PALLD: variants seen among roughly 807,000 people sequenced by gnomAD.
PALLD encodes the protein palladin.
PALLD carries 61 observed loss-of-function variants against 123.5 expected under a neutral mutation model. That is an observed-to-expected ratio of 0.49 (90% CI 0.40 to 0.61). The LOEUF (loss-of-function observed/expected upper bound fraction) is 0.61, where lower values mean the gene tolerates loss of function less well. Among genes scored for constraint, PALLD ranks in the 20% least tolerant of loss-of-function variants. PALLD has a pLI of 0.00. For missense variants in PALLD, 1,273 were observed against 1,377.0 expected (o/e 0.92, Z 1.20); for synonymous variants, 465 against 496.4 (o/e 0.94, Z 0.84).
intron 2 of PALLD, among the ~76,000 whole-genome samples, chr4:168,606,955 T>C (rs1773241513): frequency 6.6e-6 from 1 of 152,174 alleles, no homozygotes; most frequent in African/African-American, 2.4e-5. Flanking sequence ...AAATTTAAGA[T>C]GTAAACAAGA....
chr4:168,794,825 A>T (rs1009772370), intron 10 of PALLD, among the ~76,000 whole-genome samples: 3 of 152,230 alleles, frequency 2.0e-5, no homozygotes, highest in African/African-American at 7.2e-5. Flanking sequence ...AGCGATCATT[A>T]GTAGTAGTGG....
intron 15 of PALLD, among the ~76,000 whole-genome samples, chr4:168,913,351 C>T (rs753802321): frequency 5.9e-5 from 9 of 151,998 alleles, no homozygotes; most frequent in South Asian, 2.1e-4. Flanking sequence ...ATTGGCCAGG[C>T]TGGGCTCGAA....
At chr4:168,862,151 TA>T (rs1749582194) in intron 10 of PALLD, among the ~76,000 whole-genome samples, 1 of 152,150 alleles carries the variant, frequency 6.6e-6, no homozygotes, top group South Asian at 2.1e-4. Context: ...AGTTCAATTT[TA>T]AAAAGAAAAA....
At chr4:168,625,532 A>ATAT (rs1775182973) in intron 2 of PALLD, among the ~76,000 whole-genome samples, 6 of 31,608 alleles carry the variant, frequency 1.9e-4, no homozygotes, top group South Asian at 1.2e-3. Flanking sequence ...ATAAGGGGTT[A>ATAT]ATATTCAGGA....
intron 2 of PALLD, among the ~76,000 whole-genome samples, chr4:168,513,775 C>G (rs1221212545): frequency 6.6e-6 from 1 of 152,050 alleles, no homozygotes; most frequent in Non-Finnish European, 1.5e-5. Context: ...TTTATTCATG[C>G]AGAATGCTTT....
At chr4:168,785,842 TAGAG>T (rs201333690) in intron 10 of PALLD, among the ~76,000 whole-genome samples, 5 of 98,960 alleles carry the variant, frequency 5.1e-5, no homozygotes, top group African/African-American at 2.1e-4. Context: ...TAATAAACTG[TAGAG>T]ATATATATAT....
At position 168,652,094 on chromosome 4, in the gene PALLD, T is replaced by G. The variant is rs146229081; in HGVS notation, c.909-16096T>G. On this transcript the variant is annotated intron_variant, in intron 2 of 21. Transcript: ENST00000505667. ...AGGGGCAGATGTCGCTTGTGAAGCG[T>G]CACATACCGCGTGACCATGGCAGAG... Among the ~76,000 whole-genome samples the G allele has an allele frequency of 6.1e-3, 933 of 152,192 alleles. 4 individuals are homozygous for G. Among genetic ancestry groups the G allele is most frequent in the Non-Finnish European group, 9.5e-3 (649 of 68,000 alleles).
chr4:168,558,352 T>A, intron 2 of PALLD, among the ~76,000 whole-genome samples: 1 of 152,212 alleles, frequency 6.6e-6, no homozygotes, highest in East Asian at 1.9e-4. Context: ...TGGTACACTT[T>A]ACCTTTCTCA....
At chr4:168,741,822 A>G (rs913026006) in intron 10 of PALLD, among the ~76,000 whole-genome samples, 1 of 152,194 alleles carries the variant, frequency 6.6e-6, no homozygotes, top group Non-Finnish European at 1.5e-5. Context: ...GAAAGCTCCT[A>G]TTGGACAAAT....
At chr4:168,519,502 T>C (rs1763319180) in intron 2 of PALLD, among the ~76,000 whole-genome samples, 2 of 132,212 alleles carry the variant, frequency 1.5e-5, no homozygotes, top group African/African-American at 5.9e-5. Flanking sequence ...AGTTATATTT[T>C]AGAGCTTTTT....
intron 15 of PALLD, among the ~76,000 whole-genome samples, chr4:168,909,805 T>G (rs1351504425): frequency 1.3e-5 from 2 of 152,188 alleles, no homozygotes; most frequent in African/African-American, 2.4e-5. Context: ...CTTAAAAACC[T>G]GAATTTTCTA....
intron 10 of PALLD, among the ~76,000 whole-genome samples, chr4:168,732,949 A>T (rs1369481819): frequency 6.6e-6 from 1 of 152,220 alleles, no homozygotes; most frequent in Non-Finnish European, 1.5e-5. Context: ...TCATGCTTAC[A>T]AAAAGAAATT....
intron 10 of PALLD, among the ~76,000 whole-genome samples, chr4:168,840,818 G>A (rs1439582765): frequency 6.6e-6 from 1 of 151,948 alleles, no homozygotes; most frequent in Non-Finnish European, 1.5e-5. Flanking sequence ...AGTTGGGTAG[G>A]GTAGATATCC....
intron 2 of PALLD, among the ~76,000 whole-genome samples, chr4:168,586,176 AAAG>A (rs1294566211): frequency 9.7e-5 from 14 of 144,824 alleles, no homozygotes; most frequent in African/African-American, 3.2e-4. Flanking sequence ...AAAAAAAAAA[AAAG>A]GCTTTCTAAG....
chr4:168,555,334 C>T (rs1767168968), intron 2 of PALLD, among the ~76,000 whole-genome samples: 1 of 152,136 alleles, frequency 6.6e-6, no homozygotes, highest in Non-Finnish European at 1.5e-5. Flanking sequence ...GGGTTGAGGC[C>T]TGAGAAAAAT....
chr4:168,604,519 T>C (rs1163697394), intron 2 of PALLD, among the ~76,000 whole-genome samples: 1 of 152,172 alleles, frequency 6.6e-6, no homozygotes, highest in Non-Finnish European at 1.5e-5. Flanking sequence ...AAATAGAGCA[T>C]AGTTACATTA....
chr4:168,903,871 GAT>G lies in PALLD; in HGVS notation c.2588_2589del (p.Asp863GlyfsTer47). Reference protein sequence around the residue: ...LHTTASTLDDDGNYTIMAANP... With the variant: ...LHTTASTLDDXGNYTIMAANP... ...TACCACAGCCTCCACCCTAGATGAT[GAT>G]GGGAATTATACAATTATGGCTGCAA... On this transcript the variant is annotated frameshift_variant, in exon 15 of 22. Coordinates refer to ENST00000505667, the MANE Select transcript of PALLD (RefSeq NM_001166108.2). LOFTEE classifies it high-confidence loss of function. 6.2e-7 allele frequency: 1 copy of G among 1,614,050 alleles called. No individual in the cohort carries two copies. Among genetic ancestry groups the G allele is most frequent in the Non-Finnish European group, 8.5e-7 (1 of 1,179,946 alleles).
At chr4:168,698,044 G>A (rs1783311560) in intron 8 of PALLD, among the ~76,000 whole-genome samples, 2 of 152,152 alleles carry the variant, frequency 1.3e-5, no homozygotes, top group Admixed American at 1.3e-4. Context: ...GCCATAAGAA[G>A]GAATGAGATC....
chr4:168,617,324 A>G (rs1355385963), intron 2 of PALLD, among the ~76,000 whole-genome samples: 2 of 152,168 alleles, frequency 1.3e-5, no homozygotes, highest in Non-Finnish European at 2.9e-5. Context: ...ACTAAATGAT[A>G]TAGACTCCAA....
Sources: allele counts gnomAD v4.1 joint callset (sites outside exome capture counted in the v4.1 genomes callset), GRCh38; gene constraint gnomAD v4.1.1; transcripts MANE v1.5; gene names NCBI Gene and HGNC (gene_info 2026-07-23, HGNC 2026-07-21).